The following ISM2 variants were observed in gnomAD, a reference collection of about 807,000 sequenced individuals.
ISM2 encodes the protein isthmin-2.
A neutral mutation model predicts 58.0 loss-of-function variants in ISM2; 50 were observed. The observed-to-expected ratio is 0.86, with a 90% CI of 0.69 to 1.09. The LOEUF (loss-of-function observed/expected upper bound fraction) is 1.09. Among genes scored for constraint, ISM2 ranks in the 50% least tolerant of loss-of-function variants. The pLI, the probability that ISM2 is intolerant of heterozygous loss-of-function variation, is 0.00. For missense variants in ISM2, 723 were observed against 745.0 expected (o/e 0.97, Z 0.34); for synonymous variants, 303 against 312.4 (o/e 0.97, Z 0.32).
chr14:77,483,641 T>C (rs993987167), intron 3 of ISM2, among the ~76,000 whole-genome samples: 1 of 151,166 alleles, frequency 6.6e-6, no homozygotes, highest in East Asian at 1.9e-4. Context: ...TGTGCGTGTG[T>C]GCGTGTGTGT....
At chr14:77,476,183 T>A in intron 6 of ISM2, 71 bp from the exon 7 acceptor site, 1 of 1,463,704 alleles carries the variant, frequency 6.8e-7, no homozygotes, top group South Asian at 1.4e-5. Flanking sequence ...GGGGACTGAT[T>A]AAGGGCCAGT....
chr14:77,485,633 A>G (rs1201475225), intron 1 of ISM2, among the ~76,000 whole-genome samples: 1 of 152,270 alleles, frequency 6.6e-6, no homozygotes, highest in Non-Finnish European at 1.5e-5. Flanking sequence ...CTGCCCAGAC[A>G]GTGGGGCACT....
chr14:77,495,938 C>T (rs566341131), intron 1 of ISM2, among the ~76,000 whole-genome samples: 2 of 152,110 alleles, frequency 1.3e-5, no homozygotes, highest in South Asian at 2.1e-4. Context: ...GGAGGTCGGG[C>T]GTGGTGGCTG....
chr14:77,477,107 C>T (rs1245462460), intron 6 of ISM2, among the ~76,000 whole-genome samples: 1 of 152,026 alleles, frequency 6.6e-6, no homozygotes, highest in Non-Finnish European at 1.5e-5. Context: ...GAAAGAGGTG[C>T]CCCCCAGACT....
chr14:77,476,069 G>A lies in ISM2; in HGVS notation c.1242C>T (p.Phe414=). Residue 414 remains phenylalanine, a synonymous_variant, in exon 7 of 7, where the codon TTC becomes TTT. Coordinates refer to ENST00000342219, the MANE Select transcript of ISM2 (RefSeq NM_199296.3). The part of the protein sequence containing the change: ...CEKWLNCKSD[F]LIKYLSQMLR... ...GCATCTGGCTCAGATACTTGATTAG[G>A]AAGTCGCTCTTGCAGTTCAGCCACT... 4 of 1,530,260 alleles carry A rather than the reference G, an allele frequency of 2.6e-6. No homozygotes were observed. The highest frequency in any genetic ancestry group is 1.2e-5 in the South Asian group (1 of 80,114). 94.8% of individuals were successfully genotyped at this position (1,530,260 alleles called of 1,614,324 possible). A position where few individuals can be genotyped will look rare whatever the true frequency, so the allele number is the denominator to read the frequency against.
intron 1 of ISM2, among the ~76,000 whole-genome samples, chr14:77,490,507 G>T (rs746680175): frequency 6.6e-6 from 1 of 152,244 alleles, no homozygotes; most frequent in Non-Finnish European, 1.5e-5. Flanking sequence ...CCAAGGATCA[G>T]AGAGGTAACG....
intron 6 of ISM2, 127 bp from the exon 7 acceptor site, chr14:77,476,239 C>T (rs2079097963): frequency 2.0e-6 from 2 of 1,014,424 alleles, no homozygotes; most frequent in South Asian, 3.6e-5. Flanking sequence ...AAAGGCGTGG[C>T]TTGGTAGGGC....
In ISM2 at chr14:77,478,267, G is replaced by A. The variant is rs1192446145; in HGVS notation, c.1173C>T (p.Arg391=). ...LPSEEWKLLA[R]NATDMHDQDV... ...CTTGATCATGCATGTCCGTAGCATT[G>A]CGGGCCAGGAGCTTCCACTCCTCAC... The change falls in exon 6 of 7, where the codon CGC becomes CGT. Residue 391 remains arginine, a synonymous_variant. Coordinates refer to ENST00000342219, the MANE Select transcript of ISM2 (RefSeq NM_199296.3). 2 of 1,614,104 alleles carry A rather than the reference G, an allele frequency of 1.2e-6. No individual in the cohort carries two copies. The highest frequency in any genetic ancestry group is 1.7e-5 in the Admixed American group (1 of 60,016).
chr14:77,487,263 A>G (rs1044391693), intron 1 of ISM2, among the ~76,000 whole-genome samples: 2 of 151,092 alleles, frequency 1.3e-5, no homozygotes, highest in Non-Finnish European at 3.0e-5. Flanking sequence ...AAATAAATAA[A>G]TAAATAAATA....
Position 77,487,663 on chromosome 14 carries a change from G to T in ISM2, c.142-2744C>A, listed in dbSNP as rs147591079. Reference sequence around the variant, plus strand: ...ACTCCTGGGAGTGGAAAGAGATGTGGGGAACGTCTCATCTTAGTTTGGGTT... The same window carrying T: ...ACTCCTGGGAGTGGAAAGAGATGTGTGGAACGTCTCATCTTAGTTTGGGTT... On this transcript the variant is annotated intron_variant, in intron 1 of 6. Coordinates refer to ENST00000342219, the MANE Select transcript of ISM2 (RefSeq NM_199296.3). Among the ~76,000 whole-genome samples the T allele has an allele frequency of 3.0e-3, 454 of 152,292 alleles. 3 individuals are homozygous for T. Among genetic ancestry groups the T allele is most frequent in the African/African-American group, 0.01 (426 of 41,564 alleles).
intron 4 of ISM2, 73 bp downstream of exon 4, chr14:77,482,249 C>G: frequency 8.4e-7 from 1 of 1,192,792 alleles, no homozygotes; most frequent in South Asian, 1.4e-5. Flanking sequence ...AGCCTCCACC[C>G]TCTCCCTCAC....
Position 77,482,544 on chromosome 14 carries a change from C to T in ISM2, c.751G>A (p.Gly251Arg). 1 of 1,614,066 alleles carries T rather than the reference C, an allele frequency of 6.2e-7. No homozygotes were observed. Among genetic ancestry groups the T allele is most frequent in the Non-Finnish European group, 8.5e-7 (1 of 1,179,984 alleles). Reference sequence around the variant, plus strand: ...TCTTTTTCCTCTCCTTTGTAGTCTCCCCAGAGGAAGGACCAGAGGGCGGGC... The same window carrying T: ...TCTTTTTCCTCTCCTTTGTAGTCTCTCCAGAGGAAGGACCAGAGGGCGGGC... ...WLPALWSFLW[G>R]DYKGEEKDRA... is the part of the protein sequence containing the mutation. Residue 251 changes from glycine to arginine, a missense_variant, in exon 4 of 7, where the codon GGA becomes AGA. By Grantham distance (125) the Gly-to-Arg change is moderately radical. Transcript: ENST00000342219.
chr14:77,481,333 C>A (rs1156971132), intron 4 of ISM2, among the ~76,000 whole-genome samples: 2 of 148,474 alleles, frequency 1.3e-5, no homozygotes, highest in Non-Finnish European at 3.0e-5. Flanking sequence ...GAGTGAGACT[C>A]CACCTCAAAA....
At position 77,488,761 on chromosome 14, in the gene ISM2, C is replaced by T. The variant is rs117275289; in HGVS notation, c.142-3842G>A. ...GAGGAGCCATCAGGGGCACCCCCCTCGCCAGGCAACATGCCAGTTCTTCAC... is the reference window on the plus strand; with the variant it reads ...GAGGAGCCATCAGGGGCACCCCCCTTGCCAGGCAACATGCCAGTTCTTCAC... On this transcript the variant is annotated intron_variant, in intron 1 of 6. Coordinates refer to ENST00000342219, the MANE Select transcript of ISM2 (RefSeq NM_199296.3). Among the ~76,000 whole-genome samples, 1,103 of 152,330 alleles carry T rather than the reference C, an allele frequency of 7.2e-3. 6 individuals carry two copies. Among genetic ancestry groups the T allele is most frequent in the Non-Finnish European group, 0.012 (839 of 68,030 alleles).
Position 77,484,442 on chromosome 14 carries a change from G to C in ISM2, c.508C>G (p.Leu170Val), listed in dbSNP as rs1217845841. ...GGAGGCGTGGCATTCCCTGGGGTCA[G>C]GGCTGCTGGCTCAGTGACAGTCCAA... ...GCWTVTEPAA[L>V]TPGNATPPRT... Residue 170 changes from leucine (L) to valine (V), a missense_variant, in exon 3 of 7, where the codon CTG (leucine) becomes GTG (valine). Coordinates refer to ENST00000342219, the MANE Select transcript of ISM2 (RefSeq NM_199296.3). 1 of 1,599,520 alleles carries C rather than the reference G, an allele frequency of 6.3e-7. No individual in the cohort carries two copies. The highest frequency in any genetic ancestry group is 8.5e-7 in the Non-Finnish European group (1 of 1,173,508).
chr14:77,476,153 G>A (rs2079097441), intron 6 of ISM2, 41 bp from the exon 7 acceptor site: 2 of 1,499,422 alleles, frequency 1.3e-6, no homozygotes, highest in Non-Finnish European at 1.8e-6. Flanking sequence ...GCCAGTGACA[G>A]AGCCAGGCCC....
At position 77,475,367 on chromosome 14, in the gene ISM2, T is replaced by A; in HGVS notation, c.*228A>T. ...ATGCACATATGCACATTTCCAGGGCTCCCAGGGACACCCACCCTGGGCCCT... is the reference window on the plus strand; with the variant it reads ...ATGCACATATGCACATTTCCAGGGCACCCAGGGACACCCACCCTGGGCCCT... On this transcript the variant is annotated 3_prime_UTR_variant, in exon 7 of 7. Coordinates refer to ENST00000342219, the MANE Select transcript of ISM2 (RefSeq NM_199296.3). The surrounding 1 kb of genome is among the most constrained non-coding windows in gnomAD (Gnocchi z 4.1). 2.3e-6 allele frequency: 1 copy of A among 434,696 alleles called. No homozygotes were observed. Among genetic ancestry groups the A allele is most frequent in the South Asian group, 5.5e-5 (1 of 18,276 alleles). 26.9% of individuals were successfully genotyped at this position (434,696 alleles called of 1,614,324 possible).
At chr14:77,483,621 TGCGTGTGCGTGTGC>T (rs1271469539) in intron 3 of ISM2, among the ~76,000 whole-genome samples, 1 of 151,012 alleles carries the variant, frequency 6.6e-6, no homozygotes, top group Non-Finnish European at 1.5e-5. Context: ...TCCAGTTTTT[TGCGTGTGCGTGTGC>T]GTGTGTGCGT....
At chr14:77,496,185 C>T (rs12884842) in intron 1 of ISM2, among the ~76,000 whole-genome samples, 84,953 of 115,576 alleles carry the variant, frequency 0.74, 27,993 homozygotes, top group East Asian at 0.95. Flanking sequence ...AGACTCCATG[C>T]CAAAAAAAAA....
Sources: gnomAD v4.1 joint callset for allele counts (sites outside exome capture counted in the v4.1 genomes callset) on GRCh38, gnomAD v4.1.1 for gene constraint, Gnocchi (gnomAD v3.1) non-coding constraint, MANE v1.5 for transcripts, NCBI Gene and HGNC (gene_info 2026-07-23, HGNC 2026-07-21) for gene names.